Variants in SLC9A5 observed in about 807,000 individuals in gnomAD.
SLC9A5 encodes the protein sodium/hydrogen exchanger 5.
A neutral mutation model predicts 91.7 loss-of-function variants in SLC9A5; 52 were observed. The observed-to-expected ratio is 0.57, with a 90% CI of 0.45 to 0.71. The LOEUF is 0.71. SLC9A5 is among the 30% of genes least tolerant of loss of function. The pLI is 0.00. For synonymous variants in SLC9A5, 419 were observed against 474.5 expected (o/e 0.88, Z 1.52); for missense variants, 871 against 1,158.9 (o/e 0.75, Z 3.61).
chr16:67,260,014 T>A, intron 12 of SLC9A5, 68 bp downstream of exon 12: 1 of 1,558,246 alleles, frequency 6.4e-7, no homozygotes, highest in Non-Finnish European at 8.7e-7. Flanking sequence ...AAGAGGCAGT[T>A]GGCGCCAGCT....
intron 10 of SLC9A5, among the ~76,000 whole-genome samples, chr16:67,259,352 ACT>A (rs1299612696): frequency 7.7e-5 from 10 of 129,166 alleles, no homozygotes; most frequent in Non-Finnish European, 1.6e-5. Flanking sequence ...TGATAGAGTG[ACT>A]CTGTCTCAAA....
chr16:67,266,984 C>G (rs765517611), intron 15 of SLC9A5, among the ~76,000 whole-genome samples: 1 of 148,282 alleles, frequency 6.7e-6, no homozygotes, highest in Non-Finnish European at 1.5e-5. Context: ...ATGATCATGG[C>G]TCACTGCAGC....
rs563550003 is a variant in SLC9A5 at position 67,264,673 on chromosome 16, G to A, written c.2013+151G>A. On this transcript the variant is annotated intron_variant, in intron 13 of 15. Transcript: ENST00000299798. ...CTACAGCAGTTTGGGTTCCCTTTTA[G>A]ATGTTCCTGGAGTCCCAGAAGGGTA... The A allele has an allele frequency of 2.8e-5, 21 of 748,992 alleles. 1 individual carries two copies. In the Admixed American group the frequency reaches 5.6e-4, roughly 20 times the overall value. 46.4% of individuals were successfully genotyped at this position (748,992 alleles called of 1,614,324 possible). A position where few individuals can be genotyped will look rare whatever the true frequency, so the allele number is the denominator to read the frequency against.
At position 67,264,515 on chromosome 16, in the gene SLC9A5, G is replaced by T. The variant is rs751330671; in HGVS notation, c.2006G>T (p.Arg669Leu). ...KSKPRPRKTG[R>L]RKKDGVANAE... ...AAGCCACGACCCCGCAAGACTGGCC[G>T]CAGGAAGGCATGTCTTCCCTCAGGG... is the stretch of plus-strand genomic sequence containing the variant. The change falls in exon 13 of 16, where the codon CGC becomes CTC. Residue 669 changes from arginine to leucine, a missense_variant. Arg to Leu is a moderately radical substitution (Grantham distance 102, BLOSUM62 -2). Around this residue, in one of 3 missense-constraint regions of SLC9A5, gnomAD observed 295 missense variants for 326.0 expected, o/e 0.90. Coordinates refer to ENST00000299798, the MANE Select transcript of SLC9A5 (RefSeq NM_004594.3). 5.6e-6 allele frequency: 9 copies of T among 1,613,986 alleles called. No homozygotes were observed. Among genetic ancestry groups the T allele is most frequent in the Non-Finnish European group, 6.8e-6 (8 of 1,179,972 alleles).
Position 67,270,730 on chromosome 16 carries a change from G to C in SLC9A5, c.2219-8G>C. On this transcript the variant is annotated splice_region_variant and splice_polypyrimidine_tract_variant and intron_variant, in intron 15 of 15. Transcript: ENST00000299798. This position sits in a 1 kb window ranked among gnomAD's most constrained non-coding sequence, Gnocchi z 4.3. ...GGTAATGAGTTCATGTGTACTCTCTGTCCCCAGGAAGCCTTGAGGTGTGCC... is the reference window on the plus strand; with the variant it reads ...GGTAATGAGTTCATGTGTACTCTCTCTCCCCAGGAAGCCTTGAGGTGTGCC... 1 of 1,581,298 alleles carries C rather than the reference G, an allele frequency of 6.3e-7. No homozygotes were observed. The highest frequency in any genetic ancestry group is 8.6e-7 in the Non-Finnish European group (1 of 1,159,912).
chr16:67,257,342 T>C lies in SLC9A5; in HGVS notation c.1336-3T>C, dbSNP rs2035357696. ...GCAGGGCTCACCTCCTGCCTGTCCA[T>C]AGGGCTTGACCATCAAGCCACTGGT... On this transcript the variant is annotated splice_region_variant and splice_polypyrimidine_tract_variant and intron_variant, in intron 7 of 15. Coordinates refer to ENST00000299798, the MANE Select transcript of SLC9A5 (RefSeq NM_004594.3). This position sits in a 1 kb window ranked among gnomAD's most constrained non-coding sequence, Gnocchi z 5.1. The C allele has an allele frequency of 2.5e-6, 4 of 1,612,880 alleles. No individual in the cohort carries two copies. Among genetic ancestry groups the C allele is most frequent in the African/African-American group, 1.3e-5 (1 of 74,906 alleles).
rs1179450963 is a variant in SLC9A5 at position 67,259,648 on chromosome 16, G to C, written c.1702G>C (p.Val568Leu). The change falls in exon 11 of 16, where the codon GTC becomes CTC. Residue 568 changes from valine (V) to leucine (L), a missense_variant. By Grantham distance (32) the Val-to-Leu change is conservative (BLOSUM62 1). Transcript: ENST00000299798. The stretch of plus-strand genomic sequence containing the variant: ...CCGCAATTCTGTGGCAGAAACTTCT[G>C]TCACCAACCTGCTGTGAGTCCTTGA... ...PSRNSVAETS[V>L]TNLLRESGSG... The C allele has an allele frequency of 6.2e-7, 1 of 1,614,076 alleles. No individual in the cohort carries two copies.
chr16:67,271,265 G>C lies in SLC9A5; in HGVS notation c.*55G>C. ...GAATCCCTGTGGGAAGTGCTCCCTG[G>C]GTGATGGGTAGAGCCCTCGAAACTT... On this transcript the variant is annotated 3_prime_UTR_variant, in exon 16 of 16. Coordinates refer to ENST00000299798, the MANE Select transcript of SLC9A5 (RefSeq NM_004594.3). The C allele has an allele frequency of 6.8e-7, 1 of 1,469,278 alleles. No individual in the cohort carries two copies. The highest frequency in any genetic ancestry group is 9.3e-7 in the Non-Finnish European group (1 of 1,075,610). The allele number at this position is 1,469,278 out of a possible 1,614,324, so 91.0% of individuals were successfully genotyped here. A position where few individuals can be genotyped will look rare whatever the true frequency, so the allele number is the denominator to read the frequency against.
intron 13 of SLC9A5, 81 bp from the exon 14 acceptor site, chr16:67,264,959 T>G (rs1243143920): frequency 7.0e-7 from 1 of 1,436,020 alleles, no homozygotes; most frequent in Non-Finnish European, 9.8e-7. Flanking sequence ...TAGGAAAACT[T>G]GTCCTGTTGA....
At position 67,252,449 on chromosome 16, in the gene SLC9A5, CAAAA is replaced by C; in HGVS notation, c.188-83_188-80del. ...TGGGCAACAGAGTGAGACTTCATCT[CAAAA>C]AAAAAAAAACAAAACTGGGAGTTCA... On this transcript the variant is annotated intron_variant, in intron 1 of 15. Transcript: ENST00000299798. The surrounding 1 kb of genome is among the most constrained non-coding windows in gnomAD (Gnocchi z 4.0). 1 of 933,650 alleles carries C rather than the reference CAAAA, an allele frequency of 1.1e-6. No individual in the cohort carries two copies. The highest frequency in any genetic ancestry group is 1.5e-6 in the Non-Finnish European group (1 of 654,366). 57.8% of individuals were successfully genotyped at this position (933,650 alleles called of 1,614,324 possible). A position where few individuals can be genotyped will look rare whatever the true frequency, so the allele number is the denominator to read the frequency against.
rs2035887470 is a variant in SLC9A5 at position 67,270,742 on chromosome 16, C to G, written c.2223C>G (p.Ser741Arg). ...ATGTGTACTCTCTGTCCCCAGGAAG[C>G]CTTGAGGTGTGCCCAAGCCCACGAA... ...EVLQEGKVSG[S>R]LEVCPSPRII... The change falls in exon 16 of 16, where the codon AGC becomes AGG. Residue 741 changes from serine to arginine, a missense_variant. Around this residue, in one of 3 missense-constraint regions of SLC9A5, gnomAD observed 295 missense variants for 326.0 expected, o/e 0.90. Transcript: ENST00000299798. The surrounding 1 kb of genome is among the most constrained non-coding windows in gnomAD (Gnocchi z 4.3). 6.2e-7 allele frequency: 1 copy of G among 1,601,814 alleles called. No homozygotes were observed. The highest frequency in any genetic ancestry group is 8.5e-7 in the Non-Finnish European group (1 of 1,172,668).
chr16:67,263,942 G>A (rs2035615839), intron 12 of SLC9A5, among the ~76,000 whole-genome samples: 1 of 152,212 alleles, frequency 6.6e-6, no homozygotes, highest in Non-Finnish European at 1.5e-5. Context: ...GATTCCAGCT[G>A]GAGAAAGGAT....
At chr16:67,259,267 A>G (rs2035433765) in intron 10 of SLC9A5, among the ~76,000 whole-genome samples, 1 of 115,536 alleles carries the variant, frequency 8.7e-6, no homozygotes, top group Admixed American at 8.1e-5. Flanking sequence ...ACTGTGTCTC[A>G]AAAAAAAAAA....
At chr16:67,250,871 G>A (rs1004029027) in intron 1 of SLC9A5, among the ~76,000 whole-genome samples, 5 of 152,146 alleles carry the variant, frequency 3.3e-5, no homozygotes, top group Admixed American at 6.6e-5. Context: ...AGATGTGTTC[G>A]CTTGTGGTCT....
rs1247820388 is a variant in SLC9A5 at position 67,256,485 on chromosome 16, C to T, written c.928C>T (p.Leu310=). ...SAILAVTMCG[L]GCKKYVEANI... ...CTCTCCCAGGGTGACCATGTGTGGC[C>T]TGGGCTGTAAGAAGTACGTGGAGGC... Residue 310 remains leucine (L), a synonymous_variant, in exon 6 of 16, where the codon CTG becomes TTG. Transcript: ENST00000299798. The surrounding 1 kb of genome is among the most constrained non-coding windows in gnomAD (Gnocchi z 4.1). 1 of 1,610,790 alleles carries T rather than the reference C, an allele frequency of 6.2e-7. No homozygotes were observed. Among genetic ancestry groups the T allele is most frequent in the Non-Finnish European group, 8.5e-7 (1 of 1,179,786 alleles).
At chr16:67,253,725 G>T (rs1223839018) in intron 2 of SLC9A5, among the ~76,000 whole-genome samples, 1 of 152,172 alleles carries the variant, frequency 6.6e-6, no homozygotes, top group African/African-American at 2.4e-5. Context: ...GTTTCGCCAT[G>T]TTGGCCAGGC....
chr16:67,254,753 C>CAGATGAGGAG (rs1411018863), intron 2 of SLC9A5, among the ~76,000 whole-genome samples: 4 of 152,198 alleles, frequency 2.6e-5, no homozygotes, highest in African/African-American at 9.7e-5. Context: ...GTGAGGCAGG[C>CAGATGAGGAG]AGATGAGGAG....
At chr16:67,266,717 T>A (rs2035718453) in intron 15 of SLC9A5, among the ~76,000 whole-genome samples, 1 of 151,846 alleles carries the variant, frequency 6.6e-6, no homozygotes, top group South Asian at 2.1e-4. Flanking sequence ...ATTTTCATAT[T>A]TTTAGTGGAG....
At chr16:67,262,357 T>C (rs1429596216) in intron 12 of SLC9A5, 22 of 438,866 alleles carry the variant, frequency 5.0e-5, no homozygotes, top group Non-Finnish European at 4.6e-6. Flanking sequence ...CTCATGTTCT[T>C]CATCGAAATA....
Sources: allele counts gnomAD v4.1 joint callset (sites outside exome capture counted in the v4.1 genomes callset), GRCh38; gene constraint gnomAD v4.1.1; regional missense constraint gnomAD v4.1.1; non-coding constraint Gnocchi (gnomAD v3.1); transcripts MANE v1.5; gene names NCBI Gene and HGNC (gene_info 2026-07-23, HGNC 2026-07-21).